Variants in FBXL7 observed in about 807,000 individuals in gnomAD.
FBXL7 encodes the protein F-box/LRR-repeat protein 7.
A neutral mutation model predicts 38.3 loss-of-function variants in FBXL7; 12 were observed. The ratio of observed to expected loss-of-function variants is 0.31; its 90% CI spans 0.20 to 0.51. The LOEUF is 0.51. FBXL7 is among the 20% of genes least tolerant of loss of function. The probability of loss-of-function intolerance (pLI) is 0.98; values close to 1 mark genes in which losing one functional copy is unlikely to be tolerated. For synonymous variants in FBXL7, 297 were observed against 300.9 expected (o/e 0.99, Z 0.13); for missense variants, 567 against 676.4 (o/e 0.84, Z 1.79).
chr5:15,681,038 CA>C (rs1424269361), intron 2 of FBXL7, among the ~76,000 whole-genome samples: 1 of 152,116 alleles, frequency 6.6e-6, no homozygotes, highest in Non-Finnish European at 1.5e-5. Context: ...AAGACACAAA[CA>C]AATGAGTGTG....
intron 1 of FBXL7, among the ~76,000 whole-genome samples, chr5:15,612,230 A>C (rs1003497890): frequency 6.6e-6 from 1 of 151,698 alleles, no homozygotes; most frequent in Admixed American, 6.6e-5. Context: ...CTTAGGGAAA[A>C]AAAGTCTAAA....
At chr5:15,570,079 T>A (rs963921587) in intron 1 of FBXL7, among the ~76,000 whole-genome samples, 3 of 152,224 alleles carry the variant, frequency 2.0e-5, no homozygotes, top group East Asian at 3.8e-4. Context: ...TGCCAGGCTT[T>A]GGTATCAGGA....
chr5:15,828,269 GC>G (rs1738366538), intron 2 of FBXL7, among the ~76,000 whole-genome samples: 1 of 152,182 alleles, frequency 6.6e-6, no homozygotes, highest in Non-Finnish European at 1.5e-5. Context: ...AGTTAGAATT[GC>G]CAGACTTAGC....
At chr5:15,506,880 C>T (rs977826495) in intron 1 of FBXL7, among the ~76,000 whole-genome samples, 8 of 151,290 alleles carry the variant, frequency 5.3e-5, no homozygotes, top group Admixed American at 3.3e-4. Flanking sequence ...ATCATTCACT[C>T]CTTTGCAAAG....
intron 2 of FBXL7, among the ~76,000 whole-genome samples, chr5:15,897,909 C>T (rs1488542196): frequency 6.6e-6 from 1 of 152,104 alleles, no homozygotes; most frequent in Admixed American, 6.5e-5. Context: ...GGTGTGAAAC[C>T]CATTGGGAGG....
intron 2 of FBXL7, among the ~76,000 whole-genome samples, chr5:15,881,426 T>C (rs1054016668): frequency 2.0e-5 from 3 of 152,230 alleles, no homozygotes; most frequent in Admixed American, 6.5e-5. Context: ...CTTTCCTTGA[T>C]TGATGGGCAT....
intron 2 of FBXL7, among the ~76,000 whole-genome samples, chr5:15,819,372 G>T (rs1222708917): frequency 6.6e-6 from 1 of 151,984 alleles, no homozygotes; most frequent in Admixed American, 6.6e-5. Flanking sequence ...AATGTGATCA[G>T]TCATCTAGAT....
At chr5:15,808,022 G>A (rs148401645) in intron 2 of FBXL7, among the ~76,000 whole-genome samples, 1,746 of 152,264 alleles carry the variant, frequency 0.011, 18 homozygotes, top group Non-Finnish European at 0.017. Context: ...CCCCGTGACC[G>A]TAGACCAGGA....
At chr5:15,736,706 A>G (rs1431597408) in intron 2 of FBXL7, among the ~76,000 whole-genome samples, 7 of 152,144 alleles carry the variant, frequency 4.6e-5, no homozygotes, top group Admixed American at 1.3e-4. Flanking sequence ...CTCAGCTACC[A>G]TTCCTTTTGT....
At chr5:15,721,613 C>T (rs1166984095) in intron 2 of FBXL7, among the ~76,000 whole-genome samples, 1 of 151,604 alleles carries the variant, frequency 6.6e-6, no homozygotes, top group Non-Finnish European at 1.5e-5. Context: ...TAGAAATATT[C>T]CTTAACTTAC....
chr5:15,726,277 C>T (rs776346409), intron 2 of FBXL7, among the ~76,000 whole-genome samples: 1 of 152,050 alleles, frequency 6.6e-6, no homozygotes, highest in Non-Finnish European at 1.5e-5. Context: ...TTCTTGCTGG[C>T]CATGGTGGCA....
At chr5:15,727,654 G>C (rs369240380) in intron 2 of FBXL7, among the ~76,000 whole-genome samples, 2 of 151,942 alleles carry the variant, frequency 1.3e-5, no homozygotes, top group African/African-American at 4.8e-5. Flanking sequence ...TTTTCTCTTT[G>C]TCTTTGTCTT....
At chr5:15,713,931 T>G (rs1743959934) in intron 2 of FBXL7, among the ~76,000 whole-genome samples, 1 of 152,210 alleles carries the variant, frequency 6.6e-6, no homozygotes, top group Admixed American at 6.5e-5. Flanking sequence ...GGAAACAAAT[T>G]ATTTAACATA....
intron 1 of FBXL7, among the ~76,000 whole-genome samples, chr5:15,555,627 C>T (rs1738205876): frequency 6.6e-6 from 1 of 152,004 alleles, no homozygotes; most frequent in Non-Finnish European, 1.5e-5. Flanking sequence ...ATTTTATACC[C>T]TTTTTTTCAA....
Position 15,777,720 on chromosome 5 carries a change from T to TAAAAAAAAAAAAAAAAAAA in FBXL7, c.128-150162_128-150144dup, listed in dbSNP as rs371293320. ...TATTGTTTGCAAACCCCTATTCTGGTAAAAAAAAAAAAAAAAAAAAAAAAA... is the reference window on the plus strand; with the variant it reads ...TATTGTTTGCAAACCCCTATTCTGGTAAAAAAAAAAAAAAAAAAAAAAAAAAAAAAAAAAAAAAAAAAAA... On this transcript the variant is annotated intron_variant, in intron 2 of 3. Transcript: ENST00000504595. Among the ~76,000 whole-genome samples the TAAAAAAAAAAAAAAAAAAA allele has an allele frequency of 9.8e-4, 81 of 82,492 alleles. 2 individuals are homozygous for TAAAAAAAAAAAAAAAAAAA. The highest frequency in any genetic ancestry group is 1.3e-3 in the Non-Finnish European group (58 of 45,780). The allele number at this position is 82,492 out of a possible 152,430, so 54.1% of individuals were successfully genotyped here. A position where few individuals can be genotyped will look rare whatever the true frequency, so the allele number is the denominator to read the frequency against.
intron 2 of FBXL7, among the ~76,000 whole-genome samples, chr5:15,766,824 T>C (rs982832691): frequency 1.1e-4 from 16 of 152,306 alleles, no homozygotes; most frequent in African/African-American, 3.8e-4. Flanking sequence ...ATCATTAGAC[T>C]CTAATAAAGA....
At chr5:15,712,998 T>C (rs1389462932) in intron 2 of FBXL7, among the ~76,000 whole-genome samples, 3 of 152,196 alleles carry the variant, frequency 2.0e-5, no homozygotes, top group Admixed American at 2.0e-4. Context: ...GTGACCCAGC[T>C]ACCTTGTAGG....
At chr5:15,582,302 A>G (rs1427090677) in intron 1 of FBXL7, among the ~76,000 whole-genome samples, 2 of 152,250 alleles carry the variant, frequency 1.3e-5, no homozygotes, top group African/African-American at 2.4e-5. Flanking sequence ...GAACATAAGC[A>G]GAGACTTTTT....
At position 15,937,273 on chromosome 5, in the gene FBXL7, C is replaced by G; in HGVS notation, c.*87C>G. On this transcript the variant is annotated 3_prime_UTR_variant, in exon 4 of 4. Transcript: ENST00000504595. ...AGCAGCGTATGTAAGCACCGACACC[C>G]ACTCAAAACAGCTCTTTCTTCCGGG... The G allele has an allele frequency of 7.2e-7, 1 of 1,381,540 alleles. No individual in the cohort carries two copies. The highest frequency in any genetic ancestry group is 9.5e-7 in the Non-Finnish European group (1 of 1,049,554). 85.6% of individuals were successfully genotyped at this position (1,381,540 alleles called of 1,614,324 possible).
Sources: gnomAD v4.1 joint callset for allele counts (sites outside exome capture counted in the v4.1 genomes callset) on GRCh38, gnomAD v4.1.1 for gene constraint, MANE v1.5 for transcripts, NCBI Gene and HGNC (gene_info 2026-07-23, HGNC 2026-07-21) for gene names.